The following RASA3 variants were observed in gnomAD, a reference collection of about 807,000 sequenced individuals.
RASA3 encodes ras GTPase-activating protein 3.
Under a neutral mutation model 110.0 loss-of-function variants are expected in RASA3, and 73 were observed. The ratio of observed to expected loss-of-function variants is 0.66; its 90% CI spans 0.55 to 0.81. The LOEUF (loss-of-function observed/expected upper bound fraction) is 0.81. Among genes scored for constraint, RASA3 ranks in the 30% least tolerant of loss-of-function variants. The pLI is 0.00. For synonymous variants in RASA3, 500 were observed against 451.4 expected, an observed-to-expected ratio of 1.11 and a Z score of -1.37; for missense variants, 976 against 1,113.2, an observed-to-expected ratio of 0.88 and a Z score of 1.75.
Position 114,052,717 on chromosome 13 carries a change from C to G in RASA3, c.174-562G>C, listed in dbSNP as rs561207229. Among the ~76,000 whole-genome samples the G allele has an allele frequency of 3.1e-3, 409 of 133,042 alleles. 1 individual carries two copies. The highest frequency in any genetic ancestry group is 0.011 in the African/African-American group (351 of 32,474). 87.3% of individuals were successfully genotyped at this position (133,042 alleles called of 152,430 possible). A position where few individuals can be genotyped will look rare whatever the true frequency, so the allele number is the denominator to read the frequency against. The stretch of plus-strand genomic sequence containing the variant: ...CGCTGCTGACTGTGCTTAGAGTCCT[C>G]GCTCCTGGGGGAGAGATCCCCGCTG... On this transcript the variant is annotated intron_variant, in intron 2 of 23. Transcript: ENST00000334062.
intron 1 of RASA3, 105 bp downstream of exon 1, chr13:114,132,330 G>T: frequency 8.2e-7 from 1 of 1,214,658 alleles, no homozygotes. Flanking sequence ...CCTGGAGGGC[G>T]TCTCCGCCGG....
At chr13:114,076,701 G>T (rs1361144534) in intron 1 of RASA3, among the ~76,000 whole-genome samples, 1 of 152,068 alleles carries the variant, frequency 6.6e-6, no homozygotes, top group African/African-American at 2.4e-5. Context: ...TGAGGTTCCC[G>T]GAGCAGACGC....
chr13:114,072,102 C>T (rs58312371), intron 2 of RASA3, among the ~76,000 whole-genome samples: 34,132 of 151,850 alleles, frequency 0.22, 3,854 homozygotes, highest in East Asian at 0.31. Flanking sequence ...ATAACCCAGC[C>T]GCCCCATGCT....
chr13:114,097,808 G>T (rs888439340), intron 1 of RASA3, among the ~76,000 whole-genome samples: 2 of 152,210 alleles, frequency 1.3e-5, no homozygotes. Context: ...GACGGGGGAC[G>T]CAGCCTATGC....
chr13:114,122,522 C>A (rs902617817), intron 1 of RASA3, among the ~76,000 whole-genome samples: 4 of 152,240 alleles, frequency 2.6e-5, no homozygotes, highest in African/African-American at 9.6e-5. Flanking sequence ...TGGGGCCGAA[C>A]CACCCCCAGC....
chr13:114,090,153 GATT>G (rs2079872812), intron 1 of RASA3, among the ~76,000 whole-genome samples: 1 of 152,186 alleles, frequency 6.6e-6, no homozygotes, highest in South Asian at 2.1e-4. Context: ...GGATTCTCTT[GATT>G]ATTTACCAAC....
rs2079087784 is a variant in RASA3, at chr13:114,048,348, G to A, written c.277+3704C>T. Among the ~76,000 whole-genome samples, 1 of 151,858 alleles carries A rather than the reference G, an allele frequency of 6.6e-6. No homozygotes were observed. Among genetic ancestry groups the A allele is most frequent in the Non-Finnish European group, 1.5e-5 (1 of 67,932 alleles). On this transcript the variant is annotated intron_variant, in intron 3 of 23. Transcript: ENST00000334062. The surrounding 1 kb of genome is among the most constrained non-coding windows in gnomAD (Gnocchi z 4.3). Reference sequence around the variant, plus strand: ...AAAAAAAGAAGAAGAAAAGAATGGAGGTCTCACTGCACCCCCACCCCATTG... The same window carrying A: ...AAAAAAAGAAGAAGAAAAGAATGGAAGTCTCACTGCACCCCCACCCCATTG...
In RASA3 at chr13:114,041,019, T is replaced by C. The variant is rs748901539; in HGVS notation, c.353A>G (p.Asp118Gly). The C allele has an allele frequency of 6.2e-7, 1 of 1,613,768 alleles. No individual in the cohort carries two copies. The highest frequency in any genetic ancestry group is 2.2e-5 in the East Asian group (1 of 44,880). ...RDTWFQLQHV[D>G]ADSEVQGKVH... ...TCTCACCTGCACTTCCGAGTCAGCGTCCACGTGCTGCAGCTGGAACCAGGT... is the reference window on the plus strand; with the variant it reads ...TCTCACCTGCACTTCCGAGTCAGCGCCCACGTGCTGCAGCTGGAACCAGGT... The change falls in exon 4 of 24, where the codon GAC becomes GGC. Residue 118 changes from aspartate (D) to glycine (G), a missense_variant. Transcript: ENST00000334062.
intron 1 of RASA3, among the ~76,000 whole-genome samples, chr13:114,082,778 A>G (rs958241715): frequency 1.3e-5 from 2 of 152,242 alleles, no homozygotes; most frequent in Non-Finnish European, 2.9e-5. Context: ...ACAGAGGTTT[A>G]ACAACCTGGT....
At chr13:114,049,890 C>A (rs2079114636) in intron 3 of RASA3, among the ~76,000 whole-genome samples, 1 of 152,236 alleles carries the variant, frequency 6.6e-6, no homozygotes, top group Admixed American at 6.5e-5. Flanking sequence ...ACGAGTGGGG[C>A]AGGGGAGGCA....
intron 15 of RASA3, among the ~76,000 whole-genome samples, chr13:114,012,757 A>C (rs145891138): frequency 8.4e-5 from 5 of 59,760 alleles, no homozygotes; most frequent in African/African-American, 6.9e-5. Flanking sequence ...TTCCACACAC[A>C]CTCCCCATTC....
chr13:114,061,353 TA>T (rs1258006180), intron 2 of RASA3, among the ~76,000 whole-genome samples: 1 of 152,204 alleles, frequency 6.6e-6, no homozygotes, highest in East Asian at 1.9e-4. Flanking sequence ...AAAAGGTTTC[TA>T]AAAACCCCAG....
Position 114,014,103 on chromosome 13 carries a change from CCTGTCTCTCT to C in RASA3, c.1406-865_1406-856del. ...GTCTCTGCCTCTCTCTCCGTCTCTC[CCTGTCTCTCT>C]CTCTCTCTCCTTGTCTCTCTCTGTC... is the stretch of plus-strand genomic sequence containing the variant. On this transcript the variant is annotated intron_variant, in intron 14 of 23. Coordinates refer to ENST00000334062, the MANE Select transcript of RASA3 (RefSeq NM_007368.4). The surrounding 1 kb of genome is among the most constrained non-coding windows in gnomAD (Gnocchi z 4.5). Among the ~76,000 whole-genome samples the C allele has an allele frequency of 7.2e-6, 1 of 139,422 alleles. No homozygotes were observed. The highest frequency in any genetic ancestry group is 2.7e-5 in the African/African-American group (1 of 37,724). The allele number at this position is 139,422 out of a possible 152,430, so 91.5% of individuals were successfully genotyped here.
chr13:113,992,305 G>A (rs534706021), intron 22 of RASA3, among the ~76,000 whole-genome samples, 180 bp downstream of exon 22: 1 of 152,230 alleles, frequency 6.6e-6, no homozygotes, highest in Non-Finnish European at 1.5e-5. Flanking sequence ...TTGTCCCCCA[G>A]ATAGCTGCCT....
At chr13:114,054,419 C>T (rs61973899) in intron 2 of RASA3, among the ~76,000 whole-genome samples, 7 of 151,774 alleles carry the variant, frequency 4.6e-5, no homozygotes, top group African/African-American at 1.5e-4. Flanking sequence ...CTGGGGCGGG[C>T]GACTGTTGCT....
intron 1 of RASA3, among the ~76,000 whole-genome samples, chr13:114,118,028 G>A (rs1377071328): frequency 2.6e-5 from 4 of 152,078 alleles, no homozygotes; most frequent in Non-Finnish European, 2.9e-5. Flanking sequence ...GTGTCCGTGA[G>A]TGCACGGGAA....
chr13:114,042,223 G>A (rs920468314), intron 3 of RASA3, among the ~76,000 whole-genome samples: 5 of 152,130 alleles, frequency 3.3e-5, no homozygotes, highest in East Asian at 3.9e-4. Flanking sequence ...GCTGGGCACC[G>A]AGCCATCTCC....
chr13:114,098,535 C>G (rs2079977231), intron 1 of RASA3, among the ~76,000 whole-genome samples: 1 of 152,102 alleles, frequency 6.6e-6, no homozygotes, highest in East Asian at 1.9e-4. Flanking sequence ...GCCCTGAGAC[C>G]TGGTGGGCTG....
chr13:114,036,614 A>C lies in RASA3; in HGVS notation c.372+4386T>G, dbSNP rs367873468. On this transcript the variant is annotated intron_variant, in intron 4 of 23. Transcript: ENST00000334062. ...GTGCAATGGCGCGATCTCAGCTCAC[A>C]GCAACCTCCGCCTCCCGGGTTCAAG... Among the ~76,000 whole-genome samples the C allele has an allele frequency of 2.6e-5, 4 of 152,056 alleles. No homozygotes were observed. In the East Asian group the frequency reaches 7.7e-4, roughly 29 times the overall value.
Sources: allele counts gnomAD v4.1 joint callset (sites outside exome capture counted in the v4.1 genomes callset), GRCh38; gene constraint gnomAD v4.1.1; non-coding constraint Gnocchi (gnomAD v3.1); transcripts MANE v1.5; gene names NCBI Gene and HGNC (gene_info 2026-07-23, HGNC 2026-07-21).